The following ATP10B variants were observed in gnomAD, a reference collection of about 807,000 sequenced individuals.
The protein encoded by ATP10B is ATPase phospholipid transporting 10B (putative), also known as phospholipid-transporting ATPase VB.
A neutral mutation model predicts 141.2 loss-of-function variants in ATP10B; 122 were observed. The observed-to-expected ratio is 0.86, with a 90% confidence interval of 0.75 to 1.00. The LOEUF is 1.00. Ranked by LOEUF, ATP10B falls within the 50% of genes least tolerant of loss-of-function variation. ATP10B has a pLI of 0.00. For synonymous variants in ATP10B, 685 were observed against 692.0 expected (o/e 0.99, Z 0.16); for missense variants, 1,876 against 1,825.3 (o/e 1.03, Z -0.51).
chr5:160,745,135 A>G (rs1352578281), intron 2 of ATP10B, among the ~76,000 whole-genome samples: 1 of 152,250 alleles, frequency 6.6e-6, no homozygotes, highest in Non-Finnish European at 1.5e-5. Context: ...TGCTGCTGCT[A>G]TTATTACCAT....
At chr5:160,804,389 G>A (rs1772626858) in intron 1 of ATP10B, among the ~76,000 whole-genome samples, 1 of 152,156 alleles carries the variant, frequency 6.6e-6, no homozygotes, top group African/African-American at 2.4e-5. Context: ...TATAGAGAGT[G>A]TTCTATAAAT....
At chr5:160,869,398 T>C in the ATP10B span, among the ~76,000 whole-genome samples, 1 of 152,066 alleles carries the variant, frequency 6.6e-6, no homozygotes, top group Admixed American at 6.6e-5. Context: ...TAAATATTAT[T>C]TAAAAAGCCT....
At chr5:160,584,836 T>C (rs987421285) in intron 24 of ATP10B, among the ~76,000 whole-genome samples, 3 of 152,190 alleles carry the variant, frequency 2.0e-5, no homozygotes, top group African/African-American at 7.2e-5. Flanking sequence ...CTCTTAATAG[T>C]GTAGCTTTTC....
chr5:160,701,535 T>C (rs975350567), intron 3 of ATP10B, among the ~76,000 whole-genome samples: 4 of 152,140 alleles, frequency 2.6e-5, no homozygotes, highest in Non-Finnish European at 5.9e-5. Context: ...TGTACAAGTC[T>C]GGATTGAGGG....
chr5:160,635,599 C>G (rs1450948365), intron 11 of ATP10B, among the ~76,000 whole-genome samples: 1 of 152,148 alleles, frequency 6.6e-6, no homozygotes, highest in East Asian at 1.9e-4. Flanking sequence ...AGATGGAGCT[C>G]CACAAAAGGA....
intron 2 of ATP10B, among the ~76,000 whole-genome samples, chr5:160,734,701 A>G (rs1386345466): frequency 1.3e-5 from 2 of 152,064 alleles, no homozygotes; most frequent in African/African-American, 2.4e-5. Flanking sequence ...TAAAAACACA[A>G]CAAAAGAACA....
At position 160,619,217 on chromosome 5, in the gene ATP10B, G is replaced by C. The variant is rs140276313; in HGVS notation, c.2416+1130C>G. ...TTTACCTTCTTGCTAAGGCTGCCAG[G>C]AACCTCAGCATCAAATTGAACATTT... is the stretch of plus-strand genomic sequence containing the variant. On this transcript the variant is annotated intron_variant, in intron 15 of 25. Coordinates refer to ENST00000327245, the MANE Select transcript of ATP10B (RefSeq NM_025153.3). Among the ~76,000 whole-genome samples the C allele has an allele frequency of 3.1e-3, 470 of 152,228 alleles. 2 individuals are homozygous for C. Among genetic ancestry groups the C allele is most frequent in the Non-Finnish European group, 4.7e-3 (323 of 68,010 alleles).
the ATP10B span, among the ~76,000 whole-genome samples, chr5:160,920,164 A>G: frequency 1.3e-5 from 2 of 152,228 alleles, no homozygotes; most frequent in Non-Finnish European, 2.9e-5. Context: ...TCAAGCACTT[A>G]CAGTCGATCG....
chr5:160,827,983 G>A (rs1371981941), intron 1 of ATP10B, among the ~76,000 whole-genome samples: 1 of 152,028 alleles, frequency 6.6e-6, no homozygotes, highest in African/African-American at 2.4e-5. Flanking sequence ...TGCTGTTTTG[G>A]TTACTGTAGC....
chr5:160,917,269 CTTTTT>C, the ATP10B span, among the ~76,000 whole-genome samples: 74 of 127,688 alleles, frequency 5.8e-4, 1 homozygote, highest in Admixed American at 1.1e-3. Flanking sequence ...TAGGGTACTT[CTTTTT>C]TTTTTTTTTT....
chr5:160,621,005 A>C, intron 14 of ATP10B, 55 bp from the exon 15 acceptor site: 2 of 1,546,454 alleles, frequency 1.3e-6, no homozygotes, highest in Non-Finnish European at 1.7e-6. Context: ...AAATAATACC[A>C]AGTTGTCTTA....
chr5:160,879,633 T>C, the ATP10B span, among the ~76,000 whole-genome samples: 1 of 151,256 alleles, frequency 6.6e-6, no homozygotes. Context: ...GGTCAAGAGA[T>C]GGAGACCATC....
intron 3 of ATP10B, among the ~76,000 whole-genome samples, chr5:160,695,977 A>G (rs980347630): frequency 2.6e-5 from 4 of 152,222 alleles, no homozygotes; most frequent in East Asian, 3.8e-4. Flanking sequence ...CAGATCTTCA[A>G]ATCAATAAGT....
chr5:160,598,941 C>G lies in ATP10B; in HGVS notation c.3393G>C (p.Gln1131His). The G allele has an allele frequency of 3.7e-6, 6 of 1,614,160 alleles. No homozygotes were observed. Among genetic ancestry groups the G allele is most frequent in the Non-Finnish European group, 5.1e-6 (6 of 1,180,010 alleles). Reference protein sequence around the residue: ...VCYVNLLFWYQFFCGFSSSTM... With the variant: ...VCYVNLLFWYHFFCGFSSSTM... The stretch of plus-strand genomic sequence containing the variant: ...TGGAGCTGGAGAAACCACAGAAGAA[C>G]TGATACCAGAAGAGCAGGTTGACGT... The change falls in exon 22 of 26, where the codon CAG (glutamine) becomes CAC (histidine). Residue 1131 changes from glutamine (Q) to histidine (H), a missense_variant. Coordinates refer to ENST00000327245, the MANE Select transcript of ATP10B (RefSeq NM_025153.3).
At chr5:160,670,432 T>G (rs1762604632) in intron 7 of ATP10B, 31 bp downstream of exon 7, 1 of 1,609,798 alleles carries the variant, frequency 6.2e-7, no homozygotes, top group Non-Finnish European at 8.5e-7. Context: ...TTCTATGACT[T>G]TACCATTGAA....
chr5:160,595,296 GT>G, intron 22 of ATP10B, among the ~76,000 whole-genome samples: 1 of 151,944 alleles, frequency 6.6e-6, no homozygotes, highest in East Asian at 1.9e-4. Context: ...TGACTACTGG[GT>G]ACATAACGAA....
chr5:160,765,393 A>T (rs1399557052), intron 2 of ATP10B, among the ~76,000 whole-genome samples: 2 of 152,310 alleles, frequency 1.3e-5, no homozygotes, highest in East Asian at 3.9e-4. Context: ...AGAATAGAGA[A>T]CTCAGAAATA....
intron 7 of ATP10B, among the ~76,000 whole-genome samples, chr5:160,658,837 A>C (rs1252142865): frequency 1.3e-5 from 2 of 152,238 alleles, no homozygotes; most frequent in African/African-American, 4.8e-5. Flanking sequence ...TGAAGCCCTC[A>C]TTCCACATGA....
At chr5:160,868,846 G>A in the ATP10B span, among the ~76,000 whole-genome samples, 1 of 152,034 alleles carries the variant, frequency 6.6e-6, no homozygotes, top group Non-Finnish European at 1.5e-5. Context: ...CCTCAGTAGT[G>A]GACAAAGCCA....
Sources: allele counts gnomAD v4.1 joint callset (sites outside exome capture counted in the v4.1 genomes callset), GRCh38; gene constraint gnomAD v4.1.1; transcripts MANE v1.5; gene names NCBI Gene and HGNC (gene_info 2026-07-23, HGNC 2026-07-21).